FAM161A: variants seen among roughly 807,000 people sequenced by gnomAD.
FAM161A encodes the protein protein FAM161A.
A neutral mutation model predicts 70.9 loss-of-function variants in FAM161A; 57 were observed. That is an observed-to-expected ratio of 0.80 (90% CI 0.65 to 1.00). The LOEUF is 1.00. Ranked by LOEUF, FAM161A falls within the 50% of genes least tolerant of loss-of-function variation. The pLI is 0.00. For synonymous variants in FAM161A, 299 were observed against 295.7 expected (o/e 1.01, Z -0.12); for missense variants, 880 against 836.0 (o/e 1.05, Z -0.65).
At chr2:61,832,242 C>CA (rs752145480) in intron 5 of FAM161A, among the ~76,000 whole-genome samples, 42,665 of 135,662 alleles carry the variant, frequency 0.31, 7,399 homozygotes, top group East Asian at 0.64. Flanking sequence ...GACCCTGTCA[C>CA]ACACACACAA....
intron 1 of FAM161A, among the ~76,000 whole-genome samples, chr2:61,853,257 T>C (rs1039862379): frequency 6.6e-6 from 1 of 152,172 alleles, no homozygotes; most frequent in Non-Finnish European, 1.5e-5. Context: ...GACCCTGCCC[T>C]CTACCTGCTG....
At chr2:61,805,409 G>C in the FAM161A span, among the ~76,000 whole-genome samples, 5 of 152,104 alleles carry the variant, frequency 3.3e-5, no homozygotes, top group African/African-American at 7.2e-5. Context: ...CCAGCTACTC[G>C]GGAGGCTGAG....
the FAM161A span, among the ~76,000 whole-genome samples, chr2:61,804,870 G>A: frequency 3.9e-4 from 60 of 151,950 alleles, no homozygotes; most frequent in Non-Finnish European, 6.6e-4. Context: ...GGGAGGGAGC[G>A]AGAGAAACTA....
rs140508512 is a variant in FAM161A at position 61,846,627 on chromosome 2, C to T, written c.184-4267G>A. 25 of 241,252 alleles carry T rather than the reference C, an allele frequency of 1.0e-4. No individual in the cohort carries two copies. The East Asian group carries it at 2.9e-3, about 28-fold the overall frequency. The allele number at this position is 241,252 out of a possible 1,614,324, so 14.9% of individuals were successfully genotyped here. On this transcript the variant is annotated intron_variant, in intron 1 of 6. Coordinates refer to ENST00000404929, the MANE Select transcript of FAM161A (RefSeq NM_001201543.2). The stretch of plus-strand genomic sequence containing the variant: ...CTCTCAGCTCCAATGCCACCCTTCT[C>T]GACTCTGCTTTGCAATGCCAGAGCT...
intron 5 of FAM161A, among the ~76,000 whole-genome samples, chr2:61,833,468 G>T (rs1485626292): frequency 6.6e-6 from 1 of 151,484 alleles, no homozygotes; most frequent in Non-Finnish European, 1.5e-5. Flanking sequence ...ATAATATAGG[G>T]CTCAGCTGCT....
At chr2:61,833,660 AG>A (rs1672667151) in intron 5 of FAM161A, among the ~76,000 whole-genome samples, 2 of 152,168 alleles carry the variant, frequency 1.3e-5, no homozygotes, top group South Asian at 4.1e-4. Context: ...GTAATGAAAA[AG>A]ATAAAAGAAC....
chr2:61,817,624 A>G, the FAM161A span, among the ~76,000 whole-genome samples: 2 of 152,204 alleles, frequency 1.3e-5, no homozygotes, highest in Admixed American at 1.3e-4. Flanking sequence ...CTTAGGACAA[A>G]TCCTTCAAGT....
rs931522911 is a variant in FAM161A at position 61,825,363 on chromosome 2, T to C, written c.*1092A>G. ...TCTGAATTACTTTGGAGACTTGCCC[T>C]AGCCAAGTTATTATGCACAATTTCA... On this transcript the variant is annotated 3_prime_UTR_variant, in exon 7 of 7. Transcript: ENST00000404929. The C allele has an allele frequency of 4.4e-6, 2 of 454,232 alleles. No individual in the cohort carries two copies. Among genetic ancestry groups the C allele is most frequent in the Non-Finnish European group, 8.8e-6 (2 of 226,780 alleles). 28.1% of individuals were successfully genotyped at this position (454,232 alleles called of 1,614,324 possible).
rs571837290 is a variant in FAM161A at position 61,845,802 on chromosome 2, A to C, written c.184-3442T>G. Among the ~76,000 whole-genome samples the C allele has an allele frequency of 2.3e-3, 353 of 151,774 alleles. 1 individual carries two copies. Among genetic ancestry groups the C allele is most frequent in the African/African-American group, 8.2e-3 (338 of 41,332 alleles). ...AGAGTGAGACCTTGTATCAAGAAAA[A>C]AGAAGGCTGGGCGCGGTAGCTCACG... On this transcript the variant is annotated intron_variant, in intron 1 of 6. Coordinates refer to ENST00000404929, the MANE Select transcript of FAM161A (RefSeq NM_001201543.2).
chr2:61,821,592 AAT>A (rs1386527169), downstream of FAM161A, among the ~76,000 whole-genome samples: 1 of 151,472 alleles, frequency 6.6e-6, no homozygotes, highest in Non-Finnish European at 1.5e-5. Flanking sequence ...ATAGAATCTG[AAT>A]ATCTTTTTTT....
chr2:61,838,733 C>A lies in FAM161A; in HGVS notation c.1584-28G>T, dbSNP rs372650651. 58 of 1,461,450 alleles carry A rather than the reference C, an allele frequency of 4.0e-5. No homozygotes were observed. In the African/African-American group the frequency reaches 7.6e-4, roughly 19 times the overall value. 90.5% of individuals were successfully genotyped at this position (1,461,450 alleles called of 1,614,324 possible). A position where few individuals can be genotyped will look rare whatever the true frequency, so the allele number is the denominator to read the frequency against. On this transcript the variant is annotated intron_variant, in intron 3 of 6. Transcript: ENST00000404929. ...GAGGGTAACAAACTAAGGCTTAATC[C>A]ACTTTAAGCCAATCAGAATGTTGTT...
At chr2:61,805,972 C>T in the FAM161A span, among the ~76,000 whole-genome samples, 1 of 152,142 alleles carries the variant, frequency 6.6e-6, no homozygotes, top group African/African-American at 2.4e-5. Context: ...AAATCCAGCA[C>T]TTTGGGAAGC....
At chr2:61,835,356 C>T (rs528942580) in intron 5 of FAM161A, among the ~76,000 whole-genome samples, 20 of 152,144 alleles carry the variant, frequency 1.3e-4, no homozygotes, top group African/African-American at 2.6e-4. Flanking sequence ...GTTGTAAAAC[C>T]GGGCATAAAC....
the FAM161A span, among the ~76,000 whole-genome samples, chr2:61,818,087 G>T: frequency 6.8e-6 from 1 of 147,432 alleles, no homozygotes; most frequent in African/African-American, 2.5e-5. Flanking sequence ...TTTTGAGTTG[G>T]AGTCTCTGTT....
At chr2:61,807,518 A>G in the FAM161A span, among the ~76,000 whole-genome samples, 1 of 151,664 alleles carries the variant, frequency 6.6e-6, no homozygotes, top group African/African-American at 2.4e-5. Context: ...TTACATGTGC[A>G]GGATTACAAG....
intron 1 of FAM161A, among the ~76,000 whole-genome samples, chr2:61,849,621 C>T (rs1316344221): frequency 6.6e-6 from 1 of 151,812 alleles, no homozygotes; most frequent in African/African-American, 2.4e-5. Flanking sequence ...CCCGTCTCTA[C>T]TAAAAATACA....
the FAM161A span, among the ~76,000 whole-genome samples, chr2:61,800,454 G>A: frequency 7.6e-4 from 115 of 152,260 alleles, no homozygotes; most frequent in African/African-American, 2.6e-3. Flanking sequence ...CCTAGCTCCC[G>A]GTACCGTCGT....
chr2:61,806,729 G>A, the FAM161A span, among the ~76,000 whole-genome samples: 1 of 108,052 alleles, frequency 9.3e-6, no homozygotes, highest in Non-Finnish European at 1.7e-5. Flanking sequence ...GTCTGGCTCT[G>A]TCGCCCAGGC....
At chr2:61,835,166 G>C (rs899389775) in intron 5 of FAM161A, among the ~76,000 whole-genome samples, 1 of 152,192 alleles carries the variant, frequency 6.6e-6, no homozygotes, top group Non-Finnish European at 1.5e-5. Flanking sequence ...ATGCTCATCT[G>C]TTACAGGTAA....
Sources: gnomAD v4.1 joint callset for allele counts (sites outside exome capture counted in the v4.1 genomes callset) on GRCh38, gnomAD v4.1.1 for gene constraint, MANE v1.5 for transcripts, NCBI Gene and HGNC (gene_info 2026-07-23, HGNC 2026-07-21) for gene names.